KPNA6: variants seen among roughly 807,000 people sequenced by gnomAD.
KPNA6 encodes importin subunit alpha-7.
A neutral mutation model predicts 72.0 loss-of-function variants in KPNA6; 9 were observed. The ratio of observed to expected loss-of-function variants is 0.13; its 90% confidence interval spans 0.08 to 0.22. The LOEUF (loss-of-function observed/expected upper bound fraction) is 0.22. KPNA6 is among the 10% of genes least tolerant of loss of function. The probability of loss-of-function intolerance (pLI) is 1.00; values close to 1 mark genes in which losing one functional copy is unlikely to be tolerated. For synonymous variants in KPNA6, 219 were observed against 242.1 expected, an observed-to-expected ratio of 0.90 and a Z score of 0.89; for missense variants, 374 against 655.7, an observed-to-expected ratio of 0.57 and a Z score of 4.69.
At chr1:32,114,767 T>TAGCC (rs1428643754) in intron 1 of KPNA6, among the ~76,000 whole-genome samples, 1 of 152,202 alleles carries the variant, frequency 6.6e-6, no homozygotes, top group East Asian at 1.9e-4. Flanking sequence ...TTGGCTAGTG[T>TAGCC]AGCCACTTTC....
At chr1:32,156,010 G>C (rs1381102108) in intron 2 of KPNA6, among the ~76,000 whole-genome samples, 1 of 146,978 alleles carries the variant, frequency 6.8e-6, no homozygotes, top group East Asian at 2.1e-4. Flanking sequence ...ACCTGCCCTG[G>C]CCTCCCAGAG....
chr1:32,136,041 A>T (rs747757015), intron 1 of KPNA6, among the ~76,000 whole-genome samples: 1 of 152,174 alleles, frequency 6.6e-6, no homozygotes, highest in Non-Finnish European at 1.5e-5. Flanking sequence ...TAACAATTTA[A>T]CCAGAGGCTC....
At chr1:32,157,116 A>G (rs1557479674) in intron 3 of KPNA6, among the ~76,000 whole-genome samples, 171 bp downstream of exon 3, 1 of 152,220 alleles carries the variant, frequency 6.6e-6, no homozygotes, top group Admixed American at 6.5e-5. Context: ...TTTGTTAGAT[A>G]TATCTGAGGA....
intron 1 of KPNA6, among the ~76,000 whole-genome samples, chr1:32,153,193 T>A (rs1225716017): frequency 6.6e-6 from 1 of 151,580 alleles, no homozygotes; most frequent in Admixed American, 6.6e-5. Flanking sequence ...CTGGTAAAGG[T>A]TCTCAGGAAC....
At chr1:32,163,488 G>C (rs552638466) in intron 10 of KPNA6, among the ~76,000 whole-genome samples, 175 bp downstream of exon 10, 1 of 152,354 alleles carries the variant, frequency 6.6e-6, no homozygotes, top group East Asian at 1.9e-4. Context: ...TCTCTAAACA[G>C]TCATGGGAAA....
intron 8 of KPNA6, 38 bp downstream of exon 8, chr1:32,162,084 G>T: frequency 6.6e-7 from 1 of 1,516,544 alleles, no homozygotes; most frequent in Non-Finnish European, 9.1e-7. Context: ...GTGACATCAG[G>T]TTCCTTCATA....
In KPNA6 at chr1:32,163,595, T is replaced by C. The variant is rs3818075; in HGVS notation, c.990+282T>C. Among the ~76,000 whole-genome samples, 16 of 152,294 alleles carry C rather than the reference T, an allele frequency of 1.1e-4. 1 individual carries two copies. In the South Asian group the frequency reaches 3.1e-3, roughly 30 times the overall value. ...ATAACTGGACTTACCACCTGGGACA[T>C]TGTGAGTTAGTTAAGTTTGAGTCAT... is the stretch of plus-strand genomic sequence containing the variant. On this transcript the variant is annotated intron_variant, in intron 10 of 13. Transcript: ENST00000373625.
At chr1:32,162,975 G>T (rs569969763) in intron 9 of KPNA6, among the ~76,000 whole-genome samples, 2 of 151,152 alleles carry the variant, frequency 1.3e-5, no homozygotes, top group South Asian at 2.1e-4. Flanking sequence ...GTGGTGGCGG[G>T]CACCTGTAGT....
chr1:32,159,527 A>G lies in KPNA6; in HGVS notation c.554A>G (p.Glu185Gly), dbSNP rs765286277. ...LLNSDFEDVQ[E>G]QAVWALGNIA... ...AATTCAGACTTTGAGGATGTTCAGGAACAGGTAATGCTTAGATTTGGTGTG... is the reference window on the plus strand; with the variant it reads ...AATTCAGACTTTGAGGATGTTCAGGGACAGGTAATGCTTAGATTTGGTGTG... The change falls in exon 6 of 14, where the codon GAA becomes GGA. Residue 185 changes from glutamate to glycine, a missense_variant. Glu to Gly is a moderately conservative substitution (Grantham distance 98, BLOSUM62 -2). This residue lies in a region of KPNA6 where 298 missense variants were observed against 495.4 expected (regional missense o/e 0.60). Transcript: ENST00000373625. 3 of 1,613,698 alleles carry G rather than the reference A, an allele frequency of 1.9e-6. No homozygotes were observed. The African/African-American group carries it at 4.0e-5, about 22-fold the overall frequency.
intron 1 of KPNA6, among the ~76,000 whole-genome samples, chr1:32,148,016 C>T (rs978997660): frequency 2.0e-5 from 3 of 152,118 alleles, no homozygotes; most frequent in Non-Finnish European, 2.9e-5. Flanking sequence ...TATTGGGCAT[C>T]TTTGTATGTG....
intron 1 of KPNA6, among the ~76,000 whole-genome samples, chr1:32,140,288 G>A (rs1641814627): frequency 1.3e-5 from 2 of 152,094 alleles, no homozygotes; most frequent in Admixed American, 6.6e-5. Context: ...GGAGGCTGAG[G>A]CAGAAGAATT....
chr1:32,113,110 G>C (rs1273102437), intron 1 of KPNA6, among the ~76,000 whole-genome samples: 3 of 152,222 alleles, frequency 2.0e-5, no homozygotes, highest in African/African-American at 7.2e-5. Context: ...TTCTAAATCT[G>C]CCGGTCTTGG....
rs780584561 is a variant in KPNA6 at position 32,166,012 on chromosome 1, AAACAACAAC to A, written c.991-75_991-67del. The A allele has an allele frequency of 1.4e-4, 189 of 1,388,266 alleles. 1 individual carries two copies. The highest frequency in any genetic ancestry group is 9.0e-4 in the East Asian group (35 of 38,872). The allele number at this position is 1,388,266 out of a possible 1,614,324, so 86.0% of individuals were successfully genotyped here. On this transcript the variant is annotated intron_variant, in intron 10 of 13. Transcript: ENST00000373625. ...GACTCTGTCTCAAAAAAAAAAACAA[AAACAACAAC>A]AACAACAACAACAACAAAAAAACAT...
chr1:32,117,329 C>A (rs1157989639), intron 1 of KPNA6, among the ~76,000 whole-genome samples: 1 of 152,088 alleles, frequency 6.6e-6, no homozygotes, highest in African/African-American at 2.4e-5. Context: ...CCTGCCACCA[C>A]GCCCGGCTAA....
At chr1:32,123,364 CTG>C (rs1239286947) in intron 1 of KPNA6, among the ~76,000 whole-genome samples, 1 of 151,974 alleles carries the variant, frequency 6.6e-6, no homozygotes, top group Non-Finnish European at 1.5e-5. Flanking sequence ...GAGATAAACT[CTG>C]TATCTTTTTA....
chr1:32,130,234 T>C (rs2124534436), intron 1 of KPNA6, among the ~76,000 whole-genome samples: 1 of 150,438 alleles, frequency 6.6e-6, no homozygotes, highest in East Asian at 1.9e-4. Context: ...TTTTTTTTTT[T>C]TTTTTTTTTT....
intron 1 of KPNA6, among the ~76,000 whole-genome samples, chr1:32,134,802 A>G (rs898117689): frequency 2.0e-5 from 3 of 152,128 alleles, no homozygotes; most frequent in Admixed American, 6.6e-5. Flanking sequence ...TAAGAAATAG[A>G]AAGTACCTTA....
At chr1:32,155,578 GC>G (rs1352674802) in intron 2 of KPNA6, among the ~76,000 whole-genome samples, 1 of 151,858 alleles carries the variant, frequency 6.6e-6, no homozygotes, top group East Asian at 1.9e-4. Context: ...AGATCTGCCC[GC>G]CTCAGCCTCC....
At chr1:32,121,999 C>T (rs1641441464) in intron 1 of KPNA6, among the ~76,000 whole-genome samples, 1 of 145,234 alleles carries the variant, frequency 6.9e-6, no homozygotes, top group Admixed American at 6.9e-5. Flanking sequence ...AGAGGCTGGG[C>T]GCGGTGGCTC....
Sources: allele counts gnomAD v4.1 joint callset (sites outside exome capture counted in the v4.1 genomes callset), GRCh38; gene constraint gnomAD v4.1.1; regional missense constraint gnomAD v4.1.1; transcripts MANE v1.5; gene names NCBI Gene and HGNC (gene_info 2026-07-23, HGNC 2026-07-21).